DNER: variants seen among roughly 807,000 people sequenced by gnomAD.
The protein encoded by DNER is delta/notch like EGF repeat containing.
DNER carries 33 observed loss-of-function variants against 78.2 expected under a neutral mutation model. The ratio of observed to expected loss-of-function variants is 0.42; its 90% CI spans 0.32 to 0.56. The LOEUF is 0.56. Among genes scored for constraint, DNER ranks in the 20% least tolerant of loss-of-function variants. The pLI is 0.11. For synonymous variants in DNER, 417 were observed against 384.8 expected, an observed-to-expected ratio of 1.08 and a Z score of -0.98; for missense variants, 918 against 975.3, an observed-to-expected ratio of 0.94 and a Z score of 0.78.
chr2:229,370,331 C>T (rs1459634718), intron 11 of DNER, among the ~76,000 whole-genome samples: 2 of 152,188 alleles, frequency 1.3e-5, no homozygotes, highest in African/African-American at 4.8e-5. Flanking sequence ...CATCCAGACC[C>T]TCCTGAATAT....
chr2:229,585,625 A>C (rs982026544), intron 4 of DNER, among the ~76,000 whole-genome samples: 6 of 151,212 alleles, frequency 4.0e-5, no homozygotes, highest in Admixed American at 1.3e-4. Context: ...GCGCCAGTGC[A>C]CTCCAGCCTG....
intron 7 of DNER, among the ~76,000 whole-genome samples, chr2:229,452,436 G>A (rs1694476560): frequency 6.6e-6 from 1 of 152,072 alleles, no homozygotes; most frequent in African/African-American, 2.4e-5. Flanking sequence ...GGGTGGATCA[G>A]GTGTAATACA....
At position 229,494,361 on chromosome 2, in the gene DNER, T is replaced by A. The variant is rs553805988; in HGVS notation, c.1148-17108A>T. 3.3e-5 allele frequency among the ~76,000 whole-genome samples: 5 copies of A among 152,380 alleles called. No homozygotes were observed. In the East Asian group the frequency reaches 9.6e-4, roughly 29 times the overall value. Reference sequence around the variant, plus strand: ...TGGACCTGTGAGATCAGACAAGTTATATGCTTCCAAATACAATGGTGGGAC... The same window carrying A: ...TGGACCTGTGAGATCAGACAAGTTAAATGCTTCCAAATACAATGGTGGGAC... On this transcript the variant is annotated intron_variant, in intron 6 of 12. Transcript: ENST00000341772.
At chr2:229,478,057 C>A (rs550077230) in intron 6 of DNER, among the ~76,000 whole-genome samples, 2 of 152,084 alleles carry the variant, frequency 1.3e-5, no homozygotes. Context: ...TAATAAATTT[C>A]TCATTATAAA....
At chr2:229,387,568 A>AAAG (rs1325988125) in intron 11 of DNER, among the ~76,000 whole-genome samples, 4 of 144,662 alleles carry the variant, frequency 2.8e-5, no homozygotes, top group African/African-American at 7.7e-5. Context: ...AGAAAGAAAG[A>AAAG]AAAGAAAGAA....
intron 1 of DNER, among the ~76,000 whole-genome samples, chr2:229,600,841 T>G (rs989988316): frequency 6.6e-6 from 1 of 152,066 alleles, no homozygotes; most frequent in African/African-American, 2.4e-5. Flanking sequence ...AGACGATGGA[T>G]GGGGAAAGGT....
At chr2:229,686,656 C>CA (rs1351544103) in intron 1 of DNER, among the ~76,000 whole-genome samples, 2 of 152,154 alleles carry the variant, frequency 1.3e-5, no homozygotes, top group African/African-American at 4.8e-5. Flanking sequence ...GAGCTGACTC[C>CA]AGCCTGACTC....
intron 1 of DNER, among the ~76,000 whole-genome samples, chr2:229,598,006 T>C (rs1471295254): frequency 6.6e-6 from 1 of 152,190 alleles, no homozygotes; most frequent in Non-Finnish European, 1.5e-5. Context: ...CCTGTTTTTC[T>C]TCCTTAAATT....
Position 229,547,233 on chromosome 2 carries a change from G to A in DNER, c.848-141C>T, listed in dbSNP as rs1049823381. 5 of 1,197,210 alleles carry A rather than the reference G, an allele frequency of 4.2e-6. No individual in the cohort carries two copies. The African/African-American group carries it at 7.7e-5, about 18-fold the overall frequency. 74.2% of individuals were successfully genotyped at this position (1,197,210 alleles called of 1,614,324 possible). On this transcript the variant is annotated intron_variant, in intron 4 of 12. Coordinates refer to ENST00000341772, the MANE Select transcript of DNER (RefSeq NM_139072.4). Reference sequence around the variant, plus strand: ...CAAGTCTGACAAAACAAAATGCAGTGAGGCAAGGGAATAAAGCACATGGCC... The same window carrying A: ...CAAGTCTGACAAAACAAAATGCAGTAAGGCAAGGGAATAAAGCACATGGCC...
intron 1 of DNER, among the ~76,000 whole-genome samples, chr2:229,673,955 G>A (rs1176134599): frequency 6.6e-6 from 1 of 152,226 alleles, no homozygotes; most frequent in Non-Finnish European, 1.5e-5. Context: ...GGAGAGAGAG[G>A]ACAGGTATTT....
intron 8 of DNER, among the ~76,000 whole-genome samples, chr2:229,446,363 G>GT (rs1304227918): frequency 6.6e-6 from 1 of 152,186 alleles, no homozygotes; most frequent in Non-Finnish European, 1.5e-5. Context: ...AAGTGATATT[G>GT]TAGGTGACTG....
chr2:229,429,610 GC>G (rs1693961584), intron 8 of DNER, among the ~76,000 whole-genome samples: 2 of 152,130 alleles, frequency 1.3e-5, no homozygotes, highest in African/African-American at 4.8e-5. Context: ...TGCAGACACA[GC>G]AAAGGCCCTA....
chr2:229,674,816 A>G (rs1699274940), intron 1 of DNER, among the ~76,000 whole-genome samples: 1 of 152,172 alleles, frequency 6.6e-6, no homozygotes, highest in African/African-American at 2.4e-5. Flanking sequence ...AATATTTCTC[A>G]GGAAACCTGA....
At chr2:229,559,827 C>T (rs1254254333) in intron 4 of DNER, among the ~76,000 whole-genome samples, 1 of 152,064 alleles carries the variant, frequency 6.6e-6, no homozygotes, top group African/African-American at 2.4e-5. Context: ...GTTGGGTTTC[C>T]TTCTCTCTCC....
At chr2:229,583,725 AATCTTT>A (rs1697443564) in intron 4 of DNER, among the ~76,000 whole-genome samples, 1 of 152,226 alleles carries the variant, frequency 6.6e-6, no homozygotes, top group Non-Finnish European at 1.5e-5. Flanking sequence ...CTTTTAGATA[AATCTTT>A]ACAGCAGATA....
intron 7 of DNER, among the ~76,000 whole-genome samples, chr2:229,461,353 G>A (rs1028431183): frequency 5.9e-5 from 9 of 151,910 alleles, no homozygotes; most frequent in African/African-American, 1.7e-4. Flanking sequence ...TTATTAGCAC[G>A]GCTCTTTAAG....
At chr2:229,480,461 C>T (rs1477958239) in intron 6 of DNER, among the ~76,000 whole-genome samples, 1 of 152,058 alleles carries the variant, frequency 6.6e-6, no homozygotes, top group Non-Finnish European at 1.5e-5. Flanking sequence ...ATAATATCCA[C>T]AATTTTCTTA....
Position 229,620,152 on chromosome 2 carries a change from G to A in DNER, c.277-28264C>T, listed in dbSNP as rs540743472. On this transcript the variant is annotated intron_variant, in intron 1 of 12. Coordinates refer to ENST00000341772, the MANE Select transcript of DNER (RefSeq NM_139072.4). ...ACCCTCTCAGCCTGTGGGTGTCGCGGAAGAACGGGATCACCCTCCCCTCCT... is the reference window on the plus strand; with the variant it reads ...ACCCTCTCAGCCTGTGGGTGTCGCGAAAGAACGGGATCACCCTCCCCTCCT... Among the ~76,000 whole-genome samples the A allele has an allele frequency of 7.9e-5, 12 of 152,278 alleles. No individual in the cohort carries two copies. The East Asian group carries it at 1.4e-3, about 17-fold the overall frequency.
intron 1 of DNER, 76 bp downstream of exon 1, chr2:229,714,072 G>C: frequency 3.3e-6 from 4 of 1,215,514 alleles, no homozygotes; most frequent in Non-Finnish European, 4.1e-6. Flanking sequence ...TTGTCGGGCA[G>C]CAGCAGCAGG....
Sources: allele counts gnomAD v4.1 joint callset (sites outside exome capture counted in the v4.1 genomes callset), GRCh38; gene constraint gnomAD v4.1.1; transcripts MANE v1.5; gene names NCBI Gene and HGNC (gene_info 2026-07-23, HGNC 2026-07-21).